ASTN2: variants seen among roughly 807,000 people sequenced by gnomAD.
ASTN2 encodes astrotactin 2.
A neutral mutation model predicts 139.8 loss-of-function variants in ASTN2; 54 were observed. That is an observed-to-expected ratio of 0.39 (90% CI 0.31 to 0.48). The LOEUF (loss-of-function observed/expected upper bound fraction) is 0.48. Ranked by LOEUF, ASTN2 falls within the 20% of genes least tolerant of loss-of-function variation. ASTN2 has a pLI of 0.95. For missense variants in ASTN2, 1,565 were observed against 1,725.1 expected, an observed-to-expected ratio of 0.91 and a Z score of 1.64; for synonymous variants, 756 against 719.5, an observed-to-expected ratio of 1.05 and a Z score of -0.81.
intron 1 of ASTN2, among the ~76,000 whole-genome samples, chr9:117,298,741 T>C (rs933155997): frequency 6.7e-6 from 1 of 149,622 alleles, no homozygotes; most frequent in African/African-American, 2.5e-5. Flanking sequence ...TGTATATATA[T>C]ATATCTTAAA....
intron 1 of ASTN2, among the ~76,000 whole-genome samples, chr9:117,398,130 T>TA (rs559893580): frequency 2.0e-4 from 30 of 151,968 alleles, no homozygotes; most frequent in Admixed American, 3.9e-4. Context: ...CAAAGGAAAA[T>TA]AAAAAAAGAA....
chr9:116,499,423 A>G (rs116529647), intron 19 of ASTN2, among the ~76,000 whole-genome samples: 3,926 of 152,174 alleles, frequency 0.026, 144 homozygotes, highest in African/African-American at 0.081. Context: ...CTCATACCCA[A>G]TGTCTTTCAA....
intron 19 of ASTN2, among the ~76,000 whole-genome samples, chr9:116,554,314 C>T (rs561999345): frequency 6.6e-6 from 1 of 152,222 alleles, no homozygotes; most frequent in Admixed American, 6.5e-5. Context: ...AAAGAGGCAA[C>T]TTGGTGGATG....
intron 1 of ASTN2, among the ~76,000 whole-genome samples, chr9:117,335,725 A>G (rs1407523697): frequency 6.6e-6 from 1 of 152,136 alleles, no homozygotes; most frequent in Non-Finnish European, 1.5e-5. Context: ...CTAGTGCCAC[A>G]GGCCCCTTAA....
At chr9:116,846,755 G>T (rs1174834787) in intron 11 of ASTN2, among the ~76,000 whole-genome samples, 1 of 152,110 alleles carries the variant, frequency 6.6e-6, no homozygotes, top group Non-Finnish European at 1.5e-5. Flanking sequence ...TCCCATCTTG[G>T]ACATTCTATG....
At chr9:116,651,436 T>G (rs1857907038) in intron 17 of ASTN2, 92 bp downstream of exon 17, 2 of 1,400,510 alleles carry the variant, frequency 1.4e-6, no homozygotes, top group African/African-American at 2.9e-5. Flanking sequence ...ATGATGATCA[T>G]GATGACAATA....
chr9:116,778,352 C>T (rs1830135831), intron 13 of ASTN2, among the ~76,000 whole-genome samples: 2 of 151,872 alleles, frequency 1.3e-5, no homozygotes, highest in Non-Finnish European at 2.9e-5. Context: ...GATCTGAGTT[C>T]AAAATTTGGT....
chr9:117,109,286 A>C (rs1829188719), intron 4 of ASTN2, among the ~76,000 whole-genome samples: 1 of 108,432 alleles, frequency 9.2e-6, no homozygotes, highest in Admixed American at 8.0e-5. Flanking sequence ...TGTCTCAAAA[A>C]ATTAATTAAT....
chr9:117,407,247 C>T (rs1831021306), intron 1 of ASTN2, among the ~76,000 whole-genome samples: 1 of 152,194 alleles, frequency 6.6e-6, no homozygotes, highest in Non-Finnish European at 1.5e-5. Context: ...CCTTGTACTA[C>T]TACAATAGGG....
At chr9:117,265,767 C>T (rs548891244) in intron 2 of ASTN2, among the ~76,000 whole-genome samples, 3 of 150,620 alleles carry the variant, frequency 2.0e-5, no homozygotes, top group East Asian at 2.0e-4. Context: ...CACATCACTA[C>T]ACAATGGTTC....
At chr9:117,107,351 G>A (rs1460083274) in intron 4 of ASTN2, among the ~76,000 whole-genome samples, 1 of 152,082 alleles carries the variant, frequency 6.6e-6, no homozygotes, top group Admixed American at 6.6e-5. Flanking sequence ...ATGGGTCAAA[G>A]GGTTTCGACA....
chr9:116,978,993 T>C (rs766060550), intron 7 of ASTN2, among the ~76,000 whole-genome samples: 5 of 152,188 alleles, frequency 3.3e-5, no homozygotes, highest in Middle Eastern at 3.2e-3. Flanking sequence ...AATTCTGGAT[T>C]TTGAAATGTA....
At chr9:117,097,849 T>C (rs1011772192) in intron 4 of ASTN2, among the ~76,000 whole-genome samples, 4 of 152,240 alleles carry the variant, frequency 2.6e-5, no homozygotes, top group African/African-American at 9.6e-5. Flanking sequence ...ACACTTTTTC[T>C]GCAATATGGT....
intron 5 of ASTN2, among the ~76,000 whole-genome samples, chr9:117,052,328 C>A (rs998047497): frequency 4.0e-5 from 6 of 151,194 alleles, no homozygotes; most frequent in African/African-American, 1.5e-4. Flanking sequence ...TAGTCCCAGC[C>A]TCTCAGGAGC....
chr9:117,244,339 A>G (rs1434121473), intron 2 of ASTN2, among the ~76,000 whole-genome samples: 2 of 152,208 alleles, frequency 1.3e-5, no homozygotes, highest in South Asian at 2.1e-4. Context: ...ACTGAGATGT[A>G]CATATACATA....
intron 10 of ASTN2, among the ~76,000 whole-genome samples, chr9:116,885,863 T>G (rs1157005606): frequency 6.7e-6 from 1 of 150,046 alleles, no homozygotes; most frequent in Non-Finnish European, 1.5e-5. Flanking sequence ...AGCATGTCCA[T>G]CCATTCATTT....
chr9:116,862,297 T>G (rs1832903573), intron 11 of ASTN2, among the ~76,000 whole-genome samples: 1 of 152,148 alleles, frequency 6.6e-6, no homozygotes. Flanking sequence ...TCTTTCTTTT[T>G]TCTTTATTTA....
At chr9:117,232,864 TC>T (rs1397797438) in intron 2 of ASTN2, among the ~76,000 whole-genome samples, 2 of 151,566 alleles carry the variant, frequency 1.3e-5, no homozygotes, top group South Asian at 2.1e-4. Flanking sequence ...TTCTGAAATT[TC>T]ACTGCAATGC....
chr9:116,753,435 G>T (rs1046757485), intron 13 of ASTN2, among the ~76,000 whole-genome samples: 1 of 152,140 alleles, frequency 6.6e-6, no homozygotes, highest in Non-Finnish European at 1.5e-5. Context: ...ATACTATCAT[G>T]GTGGTTACAT....
Sources: gnomAD v4.1 joint callset for allele counts (sites outside exome capture counted in the v4.1 genomes callset) on GRCh38, gnomAD v4.1.1 for gene constraint, MANE v1.5 for transcripts, NCBI Gene and HGNC (gene_info 2026-07-23, HGNC 2026-07-21) for gene names.